Variants in VCL observed in about 807,000 individuals in gnomAD.
VCL encodes vinculin.
A neutral mutation model predicts 125.7 loss-of-function variants in VCL; 47 were observed. The observed-to-expected ratio is 0.37, with a 90% CI of 0.30 to 0.48. The LOEUF is 0.48. Ranked by LOEUF, VCL falls within the 20% of genes least tolerant of loss-of-function variation. The pLI, the probability that VCL is intolerant of heterozygous loss-of-function variation, is 0.99. For synonymous variants in VCL, 458 were observed against 514.6 expected, an observed-to-expected ratio of 0.89 and a Z score of 1.49; for missense variants, 1,069 against 1,455.5, an observed-to-expected ratio of 0.73 and a Z score of 4.32.
chr10:74,097,368 T>C lies in VCL; in HGVS notation c.1872+36T>C. On this transcript the variant is annotated intron_variant, in intron 13 of 21. Transcript: ENST00000211998. The surrounding 1 kb of genome is among the most constrained non-coding windows in gnomAD (Gnocchi z 4.1). The stretch of plus-strand genomic sequence containing the variant: ...GAGGTCTTCCATTTTTCTGTCAGCC[T>C]GTGCTATAGGTATATGTAAAGGTGA... The C allele has an allele frequency of 6.2e-7, 1 of 1,606,426 alleles. No homozygotes were observed. The highest frequency in any genetic ancestry group is 8.5e-7 in the Non-Finnish European group (1 of 1,177,538).
intron 14 of VCL, among the ~76,000 whole-genome samples, chr10:74,103,276 C>A (rs1314094111): frequency 6.6e-6 from 1 of 152,186 alleles, no homozygotes; most frequent in Non-Finnish European, 1.5e-5. Flanking sequence ...CTGTATCTTA[C>A]CAGATACGTG....
At chr10:74,055,655 T>C (rs1413345242) in intron 2 of VCL, among the ~76,000 whole-genome samples, 2 of 152,190 alleles carry the variant, frequency 1.3e-5, no homozygotes, top group African/African-American at 4.8e-5. Context: ...GCCAATTTAG[T>C]AATATTTTAA....
intron 19 of VCL, among the ~76,000 whole-genome samples, chr10:74,112,844 A>G (rs1177549883): frequency 6.6e-6 from 1 of 152,138 alleles, no homozygotes; most frequent in Non-Finnish European, 1.5e-5. Flanking sequence ...GGCTTTGAAG[A>G]GTGATGGGTA....
At chr10:74,013,197 A>AT (rs1206144244) in intron 1 of VCL, among the ~76,000 whole-genome samples, 1 of 152,176 alleles carries the variant, frequency 6.6e-6, no homozygotes, top group African/African-American at 2.4e-5. Context: ...GGAGAAATAT[A>AT]TATCAGGCTG....
At chr10:74,116,491 A>C (rs1023468070) in intron 21 of VCL, among the ~76,000 whole-genome samples, 1 of 152,166 alleles carries the variant, frequency 6.6e-6, no homozygotes, top group Non-Finnish European at 1.5e-5. Flanking sequence ...ATGCCTTGAG[A>C]ATATCTATTA....
At chr10:74,028,038 TTAATTA>T (rs1263088898) in intron 1 of VCL, 1 of 152,214 alleles carries the variant, frequency 6.6e-6, no homozygotes, top group Non-Finnish European at 1.5e-5. Flanking sequence ...TAAAGGTTAC[TTAATTA>T]TAACTAGTGG....
chr10:74,101,196 A>G (rs1000713944), intron 14 of VCL, 99 bp downstream of exon 14: 13 of 1,501,230 alleles, frequency 8.7e-6, no homozygotes, highest in Middle Eastern at 3.8e-4. Context: ...GATGGCATAA[A>G]AAAACATATA....
chr10:74,009,674 A>G (rs1840392887), intron 1 of VCL, among the ~76,000 whole-genome samples: 2 of 151,588 alleles, frequency 1.3e-5, no homozygotes, highest in Non-Finnish European at 2.9e-5. Flanking sequence ...CTATGGCATG[A>G]TCTTGACTCA....
At position 74,071,317 on chromosome 10, in the gene VCL, A is replaced by C. The variant is rs1428435773; in HGVS notation, c.499+234A>C. ...CAAATGAATTAAACCAAACATTGCA[A>C]ATACTGCTATTGGAGAATGTAGGAA... On this transcript the variant is annotated intron_variant, in intron 4 of 21. Transcript: ENST00000211998. This position sits in a 1 kb window ranked among gnomAD's most constrained non-coding sequence, Gnocchi z 4.1. Among the ~76,000 whole-genome samples the C allele has an allele frequency of 6.6e-6, 1 of 152,164 alleles. No homozygotes were observed. The highest frequency in any genetic ancestry group is 2.4e-5 in the African/African-American group (1 of 41,440).
chr10:74,087,807 C>A (rs1001118800), intron 8 of VCL, among the ~76,000 whole-genome samples: 1 of 151,932 alleles, frequency 6.6e-6, no homozygotes, highest in South Asian at 2.1e-4. Flanking sequence ...GAAACCCCGT[C>A]TCTACTAAAA....
Position 74,040,277 on chromosome 10 carries a change from A to G in VCL, c.169-2806A>G, listed in dbSNP as rs1024151248. 2.0e-5 allele frequency among the ~76,000 whole-genome samples: 3 copies of G among 151,924 alleles called. No homozygotes were observed. In the South Asian group the frequency reaches 6.2e-4, roughly 32 times the overall value. On this transcript the variant is annotated intron_variant, in intron 1 of 21. Coordinates refer to ENST00000211998, the MANE Select transcript of VCL (RefSeq NM_014000.3). ...GGCAGGAAACTTTTTTTTATTCTCT[A>G]CTCCATCTCTACTACCTAAACAGTA...
At chr10:74,096,268 G>A (rs1262840634) in intron 12 of VCL, among the ~76,000 whole-genome samples, 1 of 151,796 alleles carries the variant, frequency 6.6e-6, no homozygotes, top group Non-Finnish European at 1.5e-5. Flanking sequence ...AGGCTGAGGT[G>A]GGAGAATCAC....
chr10:74,013,981 C>T (rs894673486), intron 1 of VCL, among the ~76,000 whole-genome samples: 4 of 152,142 alleles, frequency 2.6e-5, no homozygotes, highest in African/African-American at 7.2e-5. Context: ...CAGTAGAATT[C>T]CATATGTTGT....
chr10:74,119,338 C>G lies in VCL; in HGVS notation c.*1169C>G, dbSNP rs1006987948. 3.9e-5 allele frequency: 6 copies of G among 152,278 alleles called. No homozygotes were observed. The highest frequency in any genetic ancestry group is 1.4e-4 in the African/African-American group (6 of 41,446). The allele number at this position is 152,278 out of a possible 1,614,324, so 9.4% of individuals were successfully genotyped here. A position where few individuals can be genotyped will look rare whatever the true frequency, so the allele number is the denominator to read the frequency against. ...GCCCTGTCTGAAGGACACTTCCTGCCTAAGGGAGAGTGGTATTTGCAGACT... is the reference window on the plus strand; with the variant it reads ...GCCCTGTCTGAAGGACACTTCCTGCGTAAGGGAGAGTGGTATTTGCAGACT... On this transcript the variant is annotated 3_prime_UTR_variant, in exon 22 of 22. Transcript: ENST00000211998.
chr10:74,042,548 C>T (rs1344199828), intron 1 of VCL, among the ~76,000 whole-genome samples: 4 of 152,208 alleles, frequency 2.6e-5, no homozygotes, highest in Admixed American at 6.5e-5. Flanking sequence ...CTTTTTAACT[C>T]GCACTATAAT....
chr10:74,043,287 C>T, intron 2 of VCL, 134 bp downstream of exon 2: 5 of 778,018 alleles, frequency 6.4e-6, no homozygotes, highest in South Asian at 1.7e-5. Context: ...ACTTTTTTGT[C>T]TTCTAACTTT....
At chr10:74,040,673 A>C (rs77884406) in intron 1 of VCL, among the ~76,000 whole-genome samples, 3,529 of 152,330 alleles carry the variant, frequency 0.023, 55 homozygotes, top group East Asian at 0.06. Context: ...GCTGATTTAA[A>C]AGCCTTTTAT....
At chr10:74,000,819 A>G (rs1434252340) in intron 1 of VCL, among the ~76,000 whole-genome samples, 1 of 152,220 alleles carries the variant, frequency 6.6e-6, no homozygotes, top group Non-Finnish European at 1.5e-5. Flanking sequence ...AAATAAGGTT[A>G]TAAGATGAAA....
chr10:74,101,319 C>G lies in VCL; in HGVS notation c.2022+222C>G, dbSNP rs1840051166. On this transcript the variant is annotated intron_variant, in intron 14 of 21. Coordinates refer to ENST00000211998, the MANE Select transcript of VCL (RefSeq NM_014000.3). ...TGGGCAATACAGCAAGACCCCGACT[C>G]TACCAAAAAAAAAAAAATTAGCTGG... is the stretch of plus-strand genomic sequence containing the variant. Among the ~76,000 whole-genome samples, 4 of 150,014 alleles carry G rather than the reference C, an allele frequency of 2.7e-5. No homozygotes were observed. In the South Asian group the frequency reaches 8.4e-4, roughly 31 times the overall value.
Sources: gnomAD v4.1 joint callset for allele counts (sites outside exome capture counted in the v4.1 genomes callset) on GRCh38, gnomAD v4.1.1 for gene constraint, Gnocchi (gnomAD v3.1) non-coding constraint, MANE v1.5 for transcripts, NCBI Gene and HGNC (gene_info 2026-07-23, HGNC 2026-07-21) for gene names.